The following PCNX1 variants were observed in gnomAD, a reference collection of about 807,000 sequenced individuals.
PCNX1 encodes the protein pecanex 1, also known as pecanex-like protein 1.
In PCNX1, 78 loss-of-function variants were observed where a neutral mutation model predicts 242.2. The observed-to-expected ratio is 0.32, with a 90% CI of 0.27 to 0.39. PCNX1 has a LOEUF of 0.39. Ranked by LOEUF, PCNX1 falls within the 10% of genes least tolerant of loss-of-function variation. The probability of loss-of-function intolerance (pLI) is 1.00; values close to 1 mark genes in which losing one functional copy is unlikely to be tolerated. For synonymous variants in PCNX1, 1,024 were observed against 1,032.9 expected (o/e 0.99, Z 0.17); for missense variants, 2,581 against 2,856.5 (o/e 0.90, Z 2.20).
intron 25 of PCNX1, among the ~76,000 whole-genome samples, chr14:71,055,930 A>T (rs1050079567): frequency 1.3e-5 from 2 of 152,088 alleles, no homozygotes; most frequent in African/African-American, 4.8e-5. Context: ...CCTTCCCTCA[A>T]TGTTTTGGTC....
chr14:71,021,808 A>G (rs1289509811), intron 12 of PCNX1, among the ~76,000 whole-genome samples: 1 of 151,966 alleles, frequency 6.6e-6, no homozygotes, highest in Non-Finnish European at 1.5e-5. Context: ...CACTTTTCAG[A>G]TGACTCTCTT....
rs1179866444 is a variant in PCNX1 at position 70,978,504 on chromosome 14, C to T, written c.2167C>T (p.Leu723Phe). Reference protein sequence around the residue: ...IKPLTTSKSDLEAKEGEVLDE... With the variant: ...IKPLTTSKSDFEAKEGEVLDE... ...GCCCTTAACCACTTCAAAATCAGAT[C>T]TTGAGGCCAAAGAGGGAGAGGTGCT... Residue 723 changes from leucine to phenylalanine, a missense_variant, in exon 6 of 36, where the codon CTT (leucine) becomes TTT (phenylalanine). Around this residue, in one of 9 missense-constraint regions of PCNX1, gnomAD observed 1,204 missense variants for 1,216.7 expected, o/e 0.99. Transcript: ENST00000304743. 6.2e-7 allele frequency: 1 copy of T among 1,614,170 alleles called. No individual in the cohort carries two copies. The highest frequency in any genetic ancestry group is 2.2e-5 in the East Asian group (1 of 44,882).
intron 2 of PCNX1, among the ~76,000 whole-genome samples, chr14:70,950,802 G>C (rs2057747373): frequency 1.3e-5 from 2 of 151,728 alleles, no homozygotes; most frequent in East Asian, 3.9e-4. Context: ...TTTTCTATTG[G>C]TGGATTTTTT....
At chr14:71,015,802 T>C (rs1301737554) in intron 11 of PCNX1, among the ~76,000 whole-genome samples, 3 of 152,102 alleles carry the variant, frequency 2.0e-5, no homozygotes, top group Admixed American at 6.6e-5. Context: ...AGGAAACACA[T>C]GACAAGATGA....
chr14:71,015,954 A>G (rs778039313), intron 11 of PCNX1, among the ~76,000 whole-genome samples: 21 of 152,262 alleles, frequency 1.4e-4, no homozygotes, highest in Middle Eastern at 3.4e-3. Context: ...GCACTTTGGG[A>G]GTCTGAGGTG....
At chr14:70,908,050 T>TG (rs1214185308) in intron 1 of PCNX1, 47 bp downstream of exon 1, 1 of 1,510,074 alleles carries the variant, frequency 6.6e-7, no homozygotes, top group Non-Finnish European at 8.9e-7. Context: ...CGCGAGCCGG[T>TG]GGGGAGATGC....
intron 6 of PCNX1, among the ~76,000 whole-genome samples, chr14:70,979,688 A>G (rs1163313841): frequency 2.6e-5 from 4 of 152,124 alleles, no homozygotes; most frequent in Non-Finnish European, 5.9e-5. Context: ...TATGAAACAT[A>G]TGAATATATG....
At position 71,026,231 on chromosome 14, in the gene PCNX1, T is replaced by C; in HGVS notation, c.3298T>C (p.Tyr1100His). The change falls in exon 14 of 36, where the codon TAT becomes CAT. Residue 1100 changes from tyrosine (Y) to histidine (H), a missense_variant. By Grantham distance (83) the Tyr-to-His change is moderately conservative. Transcript: ENST00000304743. ...RNLTATKFKL[Y>H]GITFTNPLVF... ...CCTGACTGCAACCAAGTTCAAATTA[T>C]ATGGAATAACTTTCACCAATCCACT... The C allele has an allele frequency of 1.9e-6, 3 of 1,612,282 alleles. No homozygotes were observed. The highest frequency in any genetic ancestry group is 2.5e-6 in the Non-Finnish European group (3 of 1,178,972).
intron 13 of PCNX1, among the ~76,000 whole-genome samples, chr14:71,024,532 G>T (rs2060188922): frequency 1.3e-5 from 2 of 151,710 alleles, no homozygotes; most frequent in South Asian, 2.1e-4. Context: ...TTTTCACCCT[G>T]TCTTATGGTG....
chr14:70,926,850 C>T (rs114202920), intron 1 of PCNX1, among the ~76,000 whole-genome samples: 1 of 151,882 alleles, frequency 6.6e-6, no homozygotes, highest in African/African-American at 2.4e-5. Flanking sequence ...TCACAGGGAG[C>T]GTGATGAGGA....
chr14:70,937,405 T>G (rs1012329743), intron 1 of PCNX1, among the ~76,000 whole-genome samples: 7 of 152,254 alleles, frequency 4.6e-5, no homozygotes, highest in Non-Finnish European at 7.4e-5. Context: ...TTTCCCCATT[T>G]CTTGTTTCTG....
At chr14:71,082,576 T>C (rs1263927773) in intron 28 of PCNX1, among the ~76,000 whole-genome samples, 1 of 152,200 alleles carries the variant, frequency 6.6e-6, no homozygotes, top group Non-Finnish European at 1.5e-5. Flanking sequence ...AGTTGGCTCT[T>C]CTCGCTACAT....
chr14:70,927,991 A>G (rs927370083), intron 1 of PCNX1, among the ~76,000 whole-genome samples: 2 of 152,138 alleles, frequency 1.3e-5, no homozygotes, highest in Non-Finnish European at 2.9e-5. Context: ...TAATTTTTGT[A>G]TATATTAATA....
At chr14:70,967,742 A>C (rs2058423811) in intron 3 of PCNX1, among the ~76,000 whole-genome samples, 1 of 152,236 alleles carries the variant, frequency 6.6e-6, no homozygotes, top group African/African-American at 2.4e-5. Context: ...TTCGATGGTT[A>C]GACTTATGCT....
chr14:71,058,162 A>G (rs2061233340), intron 26 of PCNX1, among the ~76,000 whole-genome samples: 1 of 152,170 alleles, frequency 6.6e-6, no homozygotes, highest in Non-Finnish European at 1.5e-5. Context: ...TTGAGGTGAA[A>G]TTCACATAAA....
intron 30 of PCNX1, among the ~76,000 whole-genome samples, chr14:71,094,390 T>G (rs1339588927): frequency 6.6e-6 from 1 of 152,218 alleles, no homozygotes; most frequent in African/African-American, 2.4e-5. Context: ...TTTGTCAAGA[T>G]GCATCTAACT....
At chr14:71,023,171 T>C in intron 12 of PCNX1, 29 bp from the exon 13 acceptor site, 1 of 1,578,728 alleles carries the variant, frequency 6.3e-7, no homozygotes, top group Non-Finnish European at 8.7e-7. Context: ...ACTTCAGGAG[T>C]GTAATTTGTC....
At position 71,049,783 on chromosome 14, in the gene PCNX1, C is replaced by G. The variant is rs555291064; in HGVS notation, c.4339-869C>G. On this transcript the variant is annotated intron_variant, in intron 22 of 35. Coordinates refer to ENST00000304743, the MANE Select transcript of PCNX1 (RefSeq NM_014982.3). ...TCTTTTTTAAATTGGAAGTTAAGTT[C>G]GTTTGTAAATCAGTTAAAGTATTTT... Among the ~76,000 whole-genome samples the G allele has an allele frequency of 2.0e-5, 3 of 152,192 alleles. No individual in the cohort carries two copies. The South Asian group carries it at 6.2e-4, about 32-fold the overall frequency.
At chr14:70,934,530 C>T (rs573178561) in intron 1 of PCNX1, among the ~76,000 whole-genome samples, 1 of 152,168 alleles carries the variant, frequency 6.6e-6, no homozygotes, top group Non-Finnish European at 1.5e-5. Context: ...GATCCTCCCC[C>T]CTCAGCCTCC....
Sources: allele counts gnomAD v4.1 joint callset (sites outside exome capture counted in the v4.1 genomes callset), GRCh38; gene constraint gnomAD v4.1.1; regional missense constraint gnomAD v4.1.1; transcripts MANE v1.5; gene names NCBI Gene and HGNC (gene_info 2026-07-23, HGNC 2026-07-21).